SCN11A: variants seen among roughly 807,000 people sequenced by gnomAD.
SCN11A encodes the protein sodium channel protein type 11 subunit alpha.
In SCN11A, 122 loss-of-function variants were observed where a neutral mutation model predicts 162.2. The ratio of observed to expected loss-of-function variants is 0.75; its 90% CI spans 0.65 to 0.87. The LOEUF (loss-of-function observed/expected upper bound fraction) is 0.87, where lower values mean the gene tolerates loss of function less well. Among genes scored for constraint, SCN11A ranks in the 40% least tolerant of loss-of-function variants. The pLI is 0.00. For missense variants in SCN11A, 2,015 were observed against 2,181.6 expected (o/e 0.92, Z 1.52); for synonymous variants, 758 against 751.5 (o/e 1.01, Z -0.14).
chr3:38,909,806 C>G (rs1342309302), intron 12 of SCN11A, among the ~76,000 whole-genome samples: 2 of 151,998 alleles, frequency 1.3e-5, no homozygotes, highest in African/African-American at 4.8e-5. Flanking sequence ...TGGTCTCAAA[C>G]TCCTGACCTC....
At chr3:38,935,416 C>CA (rs2066314452) in intron 7 of SCN11A, among the ~76,000 whole-genome samples, 2 of 152,180 alleles carry the variant, frequency 1.3e-5, no homozygotes, top group African/African-American at 2.4e-5. Flanking sequence ...AAACACCCTT[C>CA]AAAAAATTAA....
intron 3 of SCN11A, among the ~76,000 whole-genome samples, chr3:38,954,631 AAAAC>A (rs534405343): frequency 0.018 from 2,694 of 152,064 alleles, 51 homozygotes; most frequent in African/African-American, 0.05. Flanking sequence ...AGATGATAAA[AAAAC>A]AAACAAACAA....
chr3:39,046,882 G>A (rs920696505), intron 1 of SCN11A, among the ~76,000 whole-genome samples: 6 of 151,904 alleles, frequency 3.9e-5, no homozygotes, highest in Non-Finnish European at 5.9e-5. Flanking sequence ...CACCATGCCC[G>A]GTTAATTTTT....
At chr3:39,012,373 T>C (rs573974365) in intron 2 of SCN11A, among the ~76,000 whole-genome samples, 1 of 152,196 alleles carries the variant, frequency 6.6e-6, no homozygotes, top group East Asian at 1.9e-4. Context: ...TGAATAAACT[T>C]GGTGTACTGG....
At chr3:38,985,703 TG>T (rs1184800125) in intron 2 of SCN11A, among the ~76,000 whole-genome samples, 17 of 151,194 alleles carry the variant, frequency 1.1e-4, no homozygotes, top group Admixed American at 9.8e-4. Flanking sequence ...TGCCATTTGC[TG>T]GGATGGTGAA....
At chr3:38,933,450 A>G (rs1330471765) in intron 7 of SCN11A, among the ~76,000 whole-genome samples, 3 of 152,190 alleles carry the variant, frequency 2.0e-5, no homozygotes, top group Admixed American at 2.0e-4. Flanking sequence ...AATTCAAACC[A>G]AAGGCAAAGA....
At chr3:38,952,672 G>C (rs887605842) in intron 4 of SCN11A, among the ~76,000 whole-genome samples, 38 of 152,222 alleles carry the variant, frequency 2.5e-4, no homozygotes, top group African/African-American at 9.2e-4. Context: ...TCTCATCATA[G>C]GATAGGCGTC....
At chr3:39,033,554 C>G (rs2031821778) in intron 1 of SCN11A, among the ~76,000 whole-genome samples, 1 of 152,152 alleles carries the variant, frequency 6.6e-6, no homozygotes, top group Admixed American at 6.5e-5. Flanking sequence ...TCTCAAAGGG[C>G]AAAGGCTGAC....
chr3:38,907,355 TATACAC>T (rs1211362038), intron 14 of SCN11A, among the ~76,000 whole-genome samples: 4 of 24,880 alleles, frequency 1.6e-4, no homozygotes, highest in Non-Finnish European at 6.2e-4. Flanking sequence ...TATATCTATA[TATACAC>T]ACACACACAC....
chr3:38,921,270 A>G lies in SCN11A; in HGVS notation c.713-15T>C. ...GACCTTCAGACCTGAGAAAGAGGACAGGCTTGGGGAGAAGCCCATCCCCCT... is the reference window on the plus strand; with the variant it reads ...GACCTTCAGACCTGAGAAAGAGGACGGGCTTGGGGAGAAGCCCATCCCCCT... On this transcript the variant is annotated splice_polypyrimidine_tract_variant and intron_variant, in intron 9 of 29. Transcript: ENST00000302328. 1.9e-6 allele frequency: 3 copies of G among 1,610,342 alleles called. No homozygotes were observed. The highest frequency in any genetic ancestry group is 2.5e-6 in the Non-Finnish European group (3 of 1,177,762).
At chr3:38,931,223 T>G (rs1192020977) in intron 7 of SCN11A, among the ~76,000 whole-genome samples, 2 of 152,202 alleles carry the variant, frequency 1.3e-5, no homozygotes, top group Non-Finnish European at 2.9e-5. Context: ...TGTGCCCTCC[T>G]CAAGGCACAG....
Position 38,847,323 on chromosome 3 carries a change from AG to A in SCN11A, c.4746del (p.Tyr1583ThrfsTer20). The A allele has an allele frequency of 1.2e-6, 2 of 1,614,230 alleles. No individual in the cohort carries two copies. The highest frequency in any genetic ancestry group is 1.7e-6 in the Non-Finnish European group (2 of 1,180,026). On this transcript the variant is annotated frameshift_variant, in exon 30 of 30. Transcript: ENST00000302328. LOFTEE classifies it low-confidence loss of function (END_TRUNC). ...GAGATGATAATGTAACTGACAAAGT[AG>A]GATGTGGCTATGCCAGGGAGGTGGC... ...ENCHLPGIAT[S>X]YFVSYIIISF...
At position 39,039,477 on chromosome 3, in the gene SCN11A, A is replaced by G. The variant is rs574909702; in HGVS notation, c.-403-6974T>C. ...GAAGTACATCCTGCCCCAGGATCCAATGGCCCTATGTCTCCAATATCCCTG... is the reference window on the plus strand; with the variant it reads ...GAAGTACATCCTGCCCCAGGATCCAGTGGCCCTATGTCTCCAATATCCCTG... On this transcript the variant is annotated intron_variant, in intron 1 of 29. Transcript: ENST00000302328. Among the ~76,000 whole-genome samples, 239 of 114,388 alleles carry G rather than the reference A, an allele frequency of 2.1e-3. 2 individuals are homozygous for G. The highest frequency in any genetic ancestry group is 2.9e-3 in the Non-Finnish European group (175 of 60,948). 75.0% of individuals were successfully genotyped at this position (114,388 alleles called of 152,430 possible). A position where few individuals can be genotyped will look rare whatever the true frequency, so the allele number is the denominator to read the frequency against.
chr3:38,856,091 T>C (rs1347465295), intron 28 of SCN11A, among the ~76,000 whole-genome samples: 1 of 152,200 alleles, frequency 6.6e-6, no homozygotes, highest in Non-Finnish European at 1.5e-5. Context: ...ATCTTTCTGC[T>C]GGTGGGTAGT....
At chr3:39,001,305 T>C (rs2030804686) in intron 2 of SCN11A, among the ~76,000 whole-genome samples, 1 of 152,226 alleles carries the variant, frequency 6.6e-6, no homozygotes, top group Non-Finnish European at 1.5e-5. Context: ...TCCCCAGCCC[T>C]TGGCAATCAC....
chr3:38,930,656 T>G (rs2066226125), intron 7 of SCN11A, among the ~76,000 whole-genome samples: 2 of 152,084 alleles, frequency 1.3e-5, no homozygotes, highest in South Asian at 4.2e-4. Flanking sequence ...ACTTCCACCA[T>G]TCTCTCTTTT....
At chr3:38,998,679 T>C (rs960220915) in intron 2 of SCN11A, among the ~76,000 whole-genome samples, 1 of 151,978 alleles carries the variant, frequency 6.6e-6, no homozygotes. Context: ...AATGATAGAC[T>C]GGATTAAGAA....
At chr3:38,933,849 A>G (rs1432953681) in intron 7 of SCN11A, among the ~76,000 whole-genome samples, 2 of 152,222 alleles carry the variant, frequency 1.3e-5, no homozygotes, top group African/African-American at 2.4e-5. Flanking sequence ...GCAGGCCAAC[A>G]TTCAGATTCA....
rs1186810937 is a variant in SCN11A, at chr3:38,847,573, G to C, written c.4497C>G (p.Asn1499Lys). The C allele has an allele frequency of 6.2e-7, 1 of 1,614,052 alleles. No individual in the cohort carries two copies. Among genetic ancestry groups the C allele is most frequent in the Non-Finnish European group, 8.5e-7 (1 of 1,180,026 alleles). ...TAATCAGAAAGAGTAGAAGACCAAT[G>C]TTGAACAGAGAAGGAAGCGACATCA... ...ALMMSLPSLF[N>K]IGLLLFLIMF... The change falls in exon 30 of 30, where the codon AAC becomes AAG. Residue 1499 changes from asparagine (N) to lysine (K), a missense_variant. Physicochemically the swap from Asn to Lys is moderately conservative, Grantham distance 94 (BLOSUM62 0). Coordinates refer to ENST00000302328, the MANE Select transcript of SCN11A (RefSeq NM_001349253.2).
Sources: allele counts gnomAD v4.1 joint callset (sites outside exome capture counted in the v4.1 genomes callset), GRCh38; gene constraint gnomAD v4.1.1; transcripts MANE v1.5; gene names NCBI Gene and HGNC (gene_info 2026-07-23, HGNC 2026-07-21).